Variants in CLASP1 observed in about 807,000 individuals in gnomAD.
CLASP1 encodes CLIP-associating protein 1.
In CLASP1, 38 loss-of-function variants were observed where a neutral mutation model predicts 192.3. The ratio of observed to expected loss-of-function variants is 0.20; its 90% CI spans 0.15 to 0.26. The LOEUF (loss-of-function observed/expected upper bound fraction) is 0.26, where lower values mean the gene tolerates loss of function less well. Ranked by LOEUF, CLASP1 falls within the 10% of genes least tolerant of loss-of-function variation. The pLI, the probability that CLASP1 is intolerant of heterozygous loss-of-function variation, is 1.00. For synonymous variants in CLASP1, 691 were observed against 712.8 expected (o/e 0.97, Z 0.49); for missense variants, 1,433 against 1,932.5 (o/e 0.74, Z 4.85).
chr2:121,603,660 A>G (rs999956009), intron 2 of CLASP1, among the ~76,000 whole-genome samples: 1 of 152,246 alleles, frequency 6.6e-6, no homozygotes, highest in African/African-American at 2.4e-5. Context: ...CACAACAGCA[A>G]AGAATCAACC....
rs115241842 is a variant in CLASP1 at position 121,389,312 on chromosome 2, T to C, written c.3124-1406A>G. Among the ~76,000 whole-genome samples, 750 of 152,286 alleles carry C rather than the reference T, an allele frequency of 4.9e-3. 9 individuals are homozygous for C. Among genetic ancestry groups the C allele is most frequent in the African/African-American group, 0.017 (727 of 41,576 alleles). On this transcript the variant is annotated intron_variant, in intron 30 of 39. Coordinates refer to ENST00000263710, the Ensembl canonical transcript of CLASP1. ...AGCATTATTATTACTTGTACTAAAA[T>C]ACACTTTTCTGCATTTCATTTTGGA...
At chr2:121,610,219 AAGG>A (rs1314016425) in intron 1 of CLASP1, among the ~76,000 whole-genome samples, 3 of 108,146 alleles carry the variant, frequency 2.8e-5, no homozygotes, top group African/African-American at 7.0e-5. Flanking sequence ...GCTGGAGGAG[AAGG>A]AGAAGTTACA....
intron 2 of CLASP1, among the ~76,000 whole-genome samples, chr2:121,582,890 A>C (rs1246248881): frequency 6.6e-6 from 1 of 151,438 alleles, no homozygotes; most frequent in African/African-American, 2.4e-5. Flanking sequence ...GTTCAAAGCA[A>C]TGCTCTTGCC....
chr2:121,530,890 T>C lies in CLASP1; in HGVS notation c.196-565A>G, dbSNP rs909175867. 8 of 693,582 alleles carry C rather than the reference T, an allele frequency of 1.2e-5. No individual in the cohort carries two copies. Among genetic ancestry groups the C allele is most frequent in the South Asian group, 3.0e-5 (2 of 67,284 alleles). 43.0% of individuals were successfully genotyped at this position (693,582 alleles called of 1,614,324 possible). A position where few individuals can be genotyped will look rare whatever the true frequency, so the allele number is the denominator to read the frequency against. On this transcript the variant is annotated intron_variant, in intron 2 of 39. Coordinates refer to ENST00000263710, the Ensembl canonical transcript of CLASP1. ...GGGACTTTCTATTATAACCATCCTT[T>C]TCTTGGGGTTGCGCTACTGTCCAAT...
At chr2:121,368,500 G>A (rs1041714770) in intron 34 of CLASP1, among the ~76,000 whole-genome samples, 4 of 151,046 alleles carry the variant, frequency 2.6e-5, no homozygotes, top group African/African-American at 9.8e-5. Context: ...AAATTCAACC[G>A]CTGGCCCTCT....
rs553987345 is a variant in CLASP1 at position 121,453,033 on chromosome 2, T to C, written c.1386-1184A>G. Among the ~76,000 whole-genome samples the C allele has an allele frequency of 2.9e-3, 435 of 152,208 alleles. 2 individuals carry two copies. Among genetic ancestry groups the C allele is most frequent in the Non-Finnish European group, 4.3e-3 (291 of 67,996 alleles). ...TGGGAGCAGCGGCTCACGCCTGTAA[T>C]CCCAGCACTTTGGGAGGACAAAGCA... is the stretch of plus-strand genomic sequence containing the variant. On this transcript the variant is annotated intron_variant, in intron 14 of 39. Coordinates refer to ENST00000263710, the Ensembl canonical transcript of CLASP1.
At chr2:121,534,931 C>T (rs1321633759) in intron 2 of CLASP1, among the ~76,000 whole-genome samples, 1 of 152,182 alleles carries the variant, frequency 6.6e-6, no homozygotes, top group Non-Finnish European at 1.5e-5. Flanking sequence ...CCAACCTGGA[C>T]TCTGGGTCCC....
At chr2:121,594,397 A>T (rs1425714435) in intron 2 of CLASP1, among the ~76,000 whole-genome samples, 1 of 146,814 alleles carries the variant, frequency 6.8e-6, no homozygotes, top group South Asian at 2.1e-4. Context: ...TAGTCTATCA[A>T]TTTTTTTTTT....
chr2:121,342,844 G>A (rs1383220504), intron 39 of CLASP1, among the ~76,000 whole-genome samples: 1 of 152,144 alleles, frequency 6.6e-6, no homozygotes, highest in Non-Finnish European at 1.5e-5. Flanking sequence ...GCTGAGATGG[G>A]AGGATGGCTT....
At chr2:121,628,350 C>G (rs1377794452) in intron 1 of CLASP1, among the ~76,000 whole-genome samples, 1 of 152,224 alleles carries the variant, frequency 6.6e-6, no homozygotes, top group East Asian at 1.9e-4. Flanking sequence ...AACCATCACT[C>G]TAGTCCTACA....
In CLASP1 at chr2:121,359,733, T is replaced by C. The variant is rs116601254; in HGVS notation, c.4206+3439A>G. ...AGATAATGAAAGAGACTTACTCAAA[T>C]AGGGACTATGAAAACATTATGTCTA... On this transcript the variant is annotated intron_variant, in intron 37 of 39. Coordinates refer to ENST00000263710, the Ensembl canonical transcript of CLASP1. 4.9e-3 allele frequency among the ~76,000 whole-genome samples: 750 copies of C among 152,284 alleles called. 9 individuals carry two copies. Among genetic ancestry groups the C allele is most frequent in the African/African-American group, 0.017 (727 of 41,556 alleles).
rs548696994 is a variant in CLASP1, at chr2:121,375,106, G to C, written c.3642+2393C>G. On this transcript the variant is annotated intron_variant, in intron 34 of 39. Transcript: ENST00000263710. Reference sequence around the variant, plus strand: ...CAATGTCGGGGGAGGAACCTGGTAGGAGGTGACTGGATCATGGGGGCAGAT... The same window carrying C: ...CAATGTCGGGGGAGGAACCTGGTAGCAGGTGACTGGATCATGGGGGCAGAT... 2.0e-5 allele frequency among the ~76,000 whole-genome samples: 3 copies of C among 152,282 alleles called. 1 individual carries two copies. The highest frequency in any genetic ancestry group is 7.2e-5 in the African/African-American group (3 of 41,560).
At position 121,425,129 on chromosome 2, in the gene CLASP1, G is replaced by A. The variant is rs1414832883; in HGVS notation, c.2212+10C>T. 1 of 1,592,682 alleles carries A rather than the reference G, an allele frequency of 6.3e-7. No homozygotes were observed. The highest frequency in any genetic ancestry group is 1.8e-5 in the Admixed American group (1 of 55,086). On this transcript the variant is annotated intron_variant, in intron 22 of 39. Coordinates refer to ENST00000263710, the Ensembl canonical transcript of CLASP1. Reference sequence around the variant, plus strand: ...GGGAATGGTATTCCAAGATCTTTGAGAATCCTTACCTAATCCTATTCGGTT... The same window carrying A: ...GGGAATGGTATTCCAAGATCTTTGAAAATCCTTACCTAATCCTATTCGGTT...
At chr2:121,367,488 C>A (rs2067654607) in intron 35 of CLASP1, 100 bp downstream of exon 36, 4 of 1,483,958 alleles carry the variant, frequency 2.7e-6, no homozygotes, top group Non-Finnish European at 3.7e-6. Context: ...GACCCAGCGT[C>A]TCCATTTACA....
At chr2:121,525,897 A>C in exon 6 of CLASP1, 1 of 1,613,462 alleles carries the variant, frequency 6.2e-7, no homozygotes, top group Non-Finnish European at 8.5e-7. Flanking sequence ...AATCTTGCTT[A>C]GTGTTAAAGT....
chr2:121,588,597 C>CAG (rs1341678311), intron 2 of CLASP1, among the ~76,000 whole-genome samples: 4 of 152,154 alleles, frequency 2.6e-5, no homozygotes, highest in African/African-American at 9.7e-5. Flanking sequence ...GGGCATGCCT[C>CAG]AGGTCTCCAT....
At chr2:121,528,069 T>C (rs1044645127) in intron 4 of CLASP1, among the ~76,000 whole-genome samples, 179 bp from the exon 5 acceptor site, 1 of 152,258 alleles carries the variant, frequency 6.6e-6, no homozygotes, top group East Asian at 1.9e-4. Flanking sequence ...TTATCAAGTA[T>C]ATCAAATTAC....
At chr2:121,496,611 AACACTGGG>A (rs1378875291) in intron 8 of CLASP1, among the ~76,000 whole-genome samples, 1 of 152,206 alleles carries the variant, frequency 6.6e-6, no homozygotes, top group Non-Finnish European at 1.5e-5. Context: ...AATCGCAGAG[AACACTGGG>A]ACTAAGAGGC....
chr2:121,453,012 A>G (rs2085833401), intron 14 of CLASP1, among the ~76,000 whole-genome samples: 1 of 151,872 alleles, frequency 6.6e-6, no homozygotes, highest in African/African-American at 2.4e-5. Context: ...CAAGGCTGGG[A>G]GCAGCGGCTC....
Sources: allele counts gnomAD v4.1 joint callset (sites outside exome capture counted in the v4.1 genomes callset), GRCh38; gene constraint gnomAD v4.1.1; transcripts MANE v1.5; gene names NCBI Gene and HGNC (gene_info 2026-07-23, HGNC 2026-07-21).